RGS7BP: variants seen among roughly 807,000 people sequenced by gnomAD.
The protein encoded by RGS7BP is regulator of G protein signaling 7-binding protein.
In RGS7BP, 9 loss-of-function variants were observed where a neutral mutation model predicts 31.3. The ratio of observed to expected loss-of-function variants is 0.29; its 90% CI spans 0.17 to 0.50. The LOEUF (loss-of-function observed/expected upper bound fraction) is 0.50, where lower values mean the gene tolerates loss of function less well. RGS7BP is among the 20% of genes least tolerant of loss of function. RGS7BP has a pLI of 0.98. For synonymous variants in RGS7BP, 115 were observed against 120.1 expected (o/e 0.96, Z 0.28); for missense variants, 274 against 322.0 (o/e 0.85, Z 1.14).
At position 64,561,113 on chromosome 5, in the gene RGS7BP, G is replaced by T. The variant is rs190952962; in HGVS notation, c.333-14661G>T. On this transcript the variant is annotated intron_variant, in intron 2 of 5. Coordinates refer to ENST00000334025, the MANE Select transcript of RGS7BP (RefSeq NM_001029875.3). The stretch of plus-strand genomic sequence containing the variant: ...TTTCCCCATACCCCCACATACACTA[G>T]CTTACACTAGCCTGATGGTCCTCCT... Among the ~76,000 whole-genome samples the T allele has an allele frequency of 9.8e-4, 149 of 152,130 alleles. 1 individual carries two copies. Among genetic ancestry groups the T allele is most frequent in the African/African-American group, 3.2e-3 (133 of 41,514 alleles).
At chr5:64,586,764 T>C (rs1742765654) in intron 3 of RGS7BP, among the ~76,000 whole-genome samples, 1 of 152,226 alleles carries the variant, frequency 6.6e-6, no homozygotes, top group Non-Finnish European at 1.5e-5. Flanking sequence ...AATAAATTGC[T>C]TTAGTTCTGT....
intron 5 of RGS7BP, among the ~76,000 whole-genome samples, chr5:64,599,682 A>C (rs1743170540): frequency 6.6e-6 from 1 of 152,240 alleles, no homozygotes; most frequent in Admixed American, 6.5e-5. Context: ...TAGTGATGAG[A>C]GACTGCTCTG....
chr5:64,611,448 A>G lies in RGS7BP; in HGVS notation c.*2196A>G, dbSNP rs927540844. Reference sequence around the variant, plus strand: ...TTGTGTTCATTCTCACCTTAGCCTCAGTGTGAAAGTAACACTTACCTTCTG... The same window carrying G: ...TTGTGTTCATTCTCACCTTAGCCTCGGTGTGAAAGTAACACTTACCTTCTG... On this transcript the variant is annotated 3_prime_UTR_variant, in exon 6 of 6. Coordinates refer to ENST00000334025, the MANE Select transcript of RGS7BP (RefSeq NM_001029875.3). 2.0e-5 allele frequency: 3 copies of G among 152,188 alleles called. No homozygotes were observed. Among genetic ancestry groups the G allele is most frequent in the Non-Finnish European group, 4.4e-5 (3 of 67,856 alleles). The allele number at this position is 152,188 out of a possible 1,614,324, so 9.4% of individuals were successfully genotyped here.
rs144771697 is a variant in RGS7BP, at chr5:64,605,594, T to G, written c.683-3567T>G. Among the ~76,000 whole-genome samples the G allele has an allele frequency of 3.4e-4, 52 of 152,252 alleles. No individual in the cohort carries two copies. In the East Asian group the frequency reaches 8.9e-3, roughly 26 times the overall value. ...TAAATTTCAGCATTTACTGCAGGTGTCAGCTCCCTATGGTGTAGAAAGCTG... is the reference window on the plus strand; with the variant it reads ...TAAATTTCAGCATTTACTGCAGGTGGCAGCTCCCTATGGTGTAGAAAGCTG... On this transcript the variant is annotated intron_variant, in intron 5 of 5. Transcript: ENST00000334025.
At chr5:64,526,736 T>G (rs1339266793) in intron 2 of RGS7BP, among the ~76,000 whole-genome samples, 1 of 152,126 alleles carries the variant, frequency 6.6e-6, no homozygotes, top group Non-Finnish European at 1.5e-5. Flanking sequence ...CCTACCATTA[T>G]TTTACAGAAA....
In RGS7BP at chr5:64,610,412, C is replaced by T. The variant is rs1249073460; in HGVS notation, c.*1160C>T. ...GGTACAAATTTTGTTATACCGTCTC[C>T]TGTTCTTCCTTTGGCCCATTTCCCA... On this transcript the variant is annotated 3_prime_UTR_variant, in exon 6 of 6. Transcript: ENST00000334025. The T allele has an allele frequency of 1.3e-5, 2 of 152,064 alleles. No individual in the cohort carries two copies. Among genetic ancestry groups the T allele is most frequent in the African/African-American group, 4.8e-5 (2 of 41,420 alleles). 9.4% of individuals were successfully genotyped at this position (152,064 alleles called of 1,614,324 possible). A position where few individuals can be genotyped will look rare whatever the true frequency, so the allele number is the denominator to read the frequency against.
intron 3 of RGS7BP, among the ~76,000 whole-genome samples, chr5:64,590,664 G>A (rs1377842739): frequency 2.0e-5 from 3 of 151,904 alleles, no homozygotes; most frequent in African/African-American, 7.3e-5. Flanking sequence ...CCTTTGCAGT[G>A]GATTCAAAAT....
chr5:64,594,742 G>A lies in RGS7BP; in HGVS notation c.496G>A (p.Asp166Asn), dbSNP rs773845244. ...KEPGGGTKSL[D>N]CKIEESAETP... ...ACCTGGCGGGGGAACCAAGAGTTTG[G>A]ATTGCAAAATTGAGGAGAGTGCTGA... The change falls in exon 4 of 6, where the codon GAT (aspartate) becomes AAT (asparagine). Residue 166 changes from aspartate (D) to asparagine (N), a missense_variant. By Grantham distance (23) the Asp-to-Asn change is conservative (BLOSUM62 1). Transcript: ENST00000334025. 1 of 1,613,696 alleles carries A rather than the reference G, an allele frequency of 6.2e-7. No homozygotes were observed.
At chr5:64,509,960 C>G (rs1049048841) in intron 2 of RGS7BP, among the ~76,000 whole-genome samples, 2 of 152,184 alleles carry the variant, frequency 1.3e-5, no homozygotes, top group African/African-American at 2.4e-5. Context: ...TCCTCACCAT[C>G]TGGGCTCCGT....
At chr5:64,543,876 A>G (rs1466765107) in intron 2 of RGS7BP, among the ~76,000 whole-genome samples, 1 of 152,244 alleles carries the variant, frequency 6.6e-6, no homozygotes, top group East Asian at 1.9e-4. Flanking sequence ...TTCAATCACT[A>G]ACTTTAGAGC....
chr5:64,547,651 A>G (rs1400210362), intron 2 of RGS7BP, among the ~76,000 whole-genome samples: 1 of 152,184 alleles, frequency 6.6e-6, no homozygotes, highest in African/African-American at 2.4e-5. Context: ...TGATCAGAAA[A>G]ATTCTGTCAG....
chr5:64,594,863 T>G lies in RGS7BP; in HGVS notation c.611+6T>G. On this transcript the variant is annotated splice_donor_region_variant and intron_variant, in intron 4 of 5. Coordinates refer to ENST00000334025, the MANE Select transcript of RGS7BP (RefSeq NM_001029875.3). ...GACATTGAGAACACTGAAAGGTAAG[T>G]GGGAAGTTACCCTGAATAGACTGCC... 3 of 1,613,376 alleles carry G rather than the reference T, an allele frequency of 1.9e-6. No individual in the cohort carries two copies. The South Asian group carries it at 3.3e-5, about 18-fold the overall frequency.
intron 5 of RGS7BP, among the ~76,000 whole-genome samples, chr5:64,603,820 G>A (rs2111978904): frequency 6.6e-6 from 1 of 152,276 alleles, no homozygotes; most frequent in African/African-American, 2.4e-5. Context: ...TGCTTACAGA[G>A]CGGTGGGAAG....
intron 2 of RGS7BP, among the ~76,000 whole-genome samples, chr5:64,547,932 A>C (rs564951794): frequency 7.2e-5 from 11 of 152,240 alleles, no homozygotes; most frequent in African/African-American, 2.6e-4. Context: ...AAATAATAAA[A>C]TCAACTATTG....
intron 4 of RGS7BP, among the ~76,000 whole-genome samples, chr5:64,597,331 G>T (rs745903461): frequency 1.8e-4 from 27 of 151,944 alleles, no homozygotes; most frequent in Non-Finnish European, 2.9e-4. Context: ...GTATGCAGTG[G>T]CATTGCATGC....
At chr5:64,560,848 T>C (rs1742037321) in intron 2 of RGS7BP, among the ~76,000 whole-genome samples, 1 of 152,160 alleles carries the variant, frequency 6.6e-6, no homozygotes, top group South Asian at 2.1e-4. Context: ...GCCATTGCAT[T>C]GCATCCTGAC....
At chr5:64,590,115 T>C (rs906072147) in intron 3 of RGS7BP, among the ~76,000 whole-genome samples, 3 of 151,856 alleles carry the variant, frequency 2.0e-5, no homozygotes. Context: ...AAAAAATTGG[T>C]GCATCCCTAG....
intron 3 of RGS7BP, among the ~76,000 whole-genome samples, chr5:64,584,609 G>A (rs1742693065): frequency 6.6e-6 from 1 of 152,168 alleles, no homozygotes; most frequent in Admixed American, 6.5e-5. Context: ...TTCCAAGGGG[G>A]CTCTGTGCTT....
chr5:64,556,341 G>A (rs753578959), intron 2 of RGS7BP, among the ~76,000 whole-genome samples: 46 of 54,794 alleles, frequency 8.4e-4, no homozygotes, highest in Non-Finnish European at 1.8e-3. Context: ...ATGATTTAAA[G>A]TGGAAATGAT....
Sources: gnomAD v4.1 joint callset for allele counts (sites outside exome capture counted in the v4.1 genomes callset) on GRCh38, gnomAD v4.1.1 for gene constraint, MANE v1.5 for transcripts, NCBI Gene and HGNC (gene_info 2026-07-23, HGNC 2026-07-21) for gene names.